Variants in PTGER4 observed in about 807,000 individuals in gnomAD.
PTGER4 encodes the protein prostaglandin E2 receptor EP4 subtype.
A neutral mutation model predicts 33.2 loss-of-function variants in PTGER4; 11 were observed. The ratio of observed to expected loss-of-function variants is 0.33; its 90% CI spans 0.21 to 0.55. PTGER4 has a LOEUF of 0.55. Among genes scored for constraint, PTGER4 ranks in the 20% least tolerant of loss-of-function variants. The pLI, the probability that PTGER4 is intolerant of heterozygous loss-of-function variation, is 0.92. For synonymous variants in PTGER4, 275 were observed against 281.5 expected, an observed-to-expected ratio of 0.98 and a Z score of 0.23; for missense variants, 481 against 650.2, an observed-to-expected ratio of 0.74 and a Z score of 2.83.
At chr5:40,728,309 T>C in the PTGER4 span, 1 of 780,192 alleles carries the variant, frequency 1.3e-6, no homozygotes, top group Non-Finnish European at 1.8e-6. Flanking sequence ...AAAATATACT[T>C]AAAATTTCTG....
At chr5:40,716,274 C>A in the PTGER4 span, 1 of 1,614,204 alleles carries the variant, frequency 6.2e-7, no homozygotes, top group South Asian at 1.1e-5. Context: ...TCTTCTCTTT[C>A]TCAGCAATAG....
chr5:40,690,491 A>G (rs1180319317), intron 2 of PTGER4, among the ~76,000 whole-genome samples: 1 of 152,234 alleles, frequency 6.6e-6, no homozygotes, highest in African/African-American at 2.4e-5. Flanking sequence ...GACTTTGCAC[A>G]TGGAGCTACC....
At chr5:40,688,702 G>A (rs907262739) in intron 2 of PTGER4, among the ~76,000 whole-genome samples, 1 of 152,206 alleles carries the variant, frequency 6.6e-6, no homozygotes, top group African/African-American at 2.4e-5. Flanking sequence ...AGGCATAGCT[G>A]AAGACCTCAA....
At chr5:40,728,439 T>C in the PTGER4 span, 1 of 1,613,550 alleles carries the variant, frequency 6.2e-7, no homozygotes, top group Non-Finnish European at 8.5e-7. Flanking sequence ...TTCTGCTGCA[T>C]GTACTGCTGG....
chr5:40,739,475 T>C, the PTGER4 span, among the ~76,000 whole-genome samples: 17 of 152,258 alleles, frequency 1.1e-4, no homozygotes, highest in Non-Finnish European at 1.8e-4. Flanking sequence ...TGGGAGGTGA[T>C]TGGATCATGG....
chr5:40,743,623 A>C, the PTGER4 span, among the ~76,000 whole-genome samples: 162 of 151,684 alleles, frequency 1.1e-3, 1 homozygote, highest in East Asian at 0.026. Flanking sequence ...GAATACAAAA[A>C]TTAGCTGGGC....
chr5:40,743,096 T>G, the PTGER4 span, among the ~76,000 whole-genome samples: 1 of 152,098 alleles, frequency 6.6e-6, no homozygotes, highest in African/African-American at 2.4e-5. Flanking sequence ...ACTAAATAAG[T>G]GTATACAGTA....
At chr5:40,708,279 C>T in the PTGER4 span, among the ~76,000 whole-genome samples, 52,031 of 151,756 alleles carry the variant, frequency 0.34, 10,004 homozygotes, top group Admixed American at 0.45. Context: ...ATGGATAGAC[C>T]GCTAGCAAGA....
At chr5:40,707,508 C>T in the PTGER4 span, among the ~76,000 whole-genome samples, 1 of 152,160 alleles carries the variant, frequency 6.6e-6, no homozygotes, top group Non-Finnish European at 1.5e-5. Flanking sequence ...GCACCCAATA[C>T]AGGAGCACCC....
At chr5:40,737,106 G>A in the PTGER4 span, among the ~76,000 whole-genome samples, 4 of 151,982 alleles carry the variant, frequency 2.6e-5, no homozygotes, top group Admixed American at 2.6e-4. Context: ...GATCAGCCTG[G>A]GCAACATGGC....
chr5:40,691,857 C>A lies in PTGER4; in HGVS notation c.946C>A (p.Arg316=), dbSNP rs1741481802. The A allele has an allele frequency of 6.2e-7, 1 of 1,614,188 alleles. No homozygotes were observed. ...VSKNPDLQAI[R]IASVNPILDP... is the part of the protein sequence containing the mutation. ...TAAAAATCCAGATTTGCAGGCCATC[C>A]GAATTGCTTCTGTGAACCCCATCCT... The change falls in exon 3 of 3, where the codon CGA becomes AGA. Residue 316 remains arginine (R), a synonymous_variant. Transcript: ENST00000302472. The surrounding 1 kb of genome is among the most constrained non-coding windows in gnomAD (Gnocchi z 4.2).
At chr5:40,721,821 C>T in the PTGER4 span, among the ~76,000 whole-genome samples, 753 of 152,208 alleles carry the variant, frequency 4.9e-3, 5 homozygotes, top group African/African-American at 0.017. Context: ...AATTAAAAGG[C>T]TTCTGCACAA....
chr5:40,697,220 A>AG, downstream of PTGER4, among the ~76,000 whole-genome samples: 5 of 119,126 alleles, frequency 4.2e-5, no homozygotes, highest in East Asian at 9.7e-4. Flanking sequence ...AAGAAAAAGA[A>AG]AGAAGAAAAG....
the PTGER4 span, among the ~76,000 whole-genome samples, chr5:40,721,349 C>T: frequency 0.01 from 1,586 of 152,208 alleles, 22 homozygotes; most frequent in African/African-American, 0.033. Flanking sequence ...TCATGAATTT[C>T]AAAATATATT....
rs45611535 is a variant in PTGER4 at position 40,687,287 on chromosome 5, C to T, written c.868-4492C>T. ...CTCAAACTCCTGACCTCAGGTGATC[C>T]GCCTGCCTCAGCCTCCCAAAGTGCT... On this transcript the variant is annotated intron_variant, in intron 2 of 2. Coordinates refer to ENST00000302472, the MANE Select transcript of PTGER4 (RefSeq NM_000958.3). 4.2e-3 allele frequency among the ~76,000 whole-genome samples: 642 copies of T among 152,236 alleles called. 3 individuals are homozygous for T. Among genetic ancestry groups the T allele is most frequent in the African/African-American group, 0.015 (614 of 41,530 alleles).
At position 40,681,044 on chromosome 5, in the gene PTGER4, G is replaced by T; in HGVS notation, c.51G>T (p.Leu17=). ...CCGCCTCCTTGAGCCCCGACCGGCT[G>T]AACAGCCCAGTGACCATCCCGGCGG... ...NSSASLSPDR[L]NSPVTIPAVM... Residue 17 remains leucine (L), a synonymous_variant, in exon 2 of 3, where the codon CTG becomes CTT. Transcript: ENST00000302472. This position sits in a 1 kb window ranked among gnomAD's most constrained non-coding sequence, Gnocchi z 9.8. 6.2e-7 allele frequency: 1 copy of T among 1,614,006 alleles called. No homozygotes were observed. Among genetic ancestry groups the T allele is most frequent in the East Asian group, 2.2e-5 (1 of 44,876 alleles).
chr5:40,704,022 C>T, the PTGER4 span, among the ~76,000 whole-genome samples: 1 of 144,188 alleles, frequency 6.9e-6, no homozygotes, highest in Non-Finnish European at 1.5e-5. Context: ...CTGGCAGAGA[C>T]ACAACAAAAA....
Position 40,692,495 on chromosome 5 carries a change from A to G in PTGER4, c.*117A>G. 1 of 1,484,246 alleles carries G rather than the reference A, an allele frequency of 6.7e-7. No individual in the cohort carries two copies. 91.9% of individuals were successfully genotyped at this position (1,484,246 alleles called of 1,614,324 possible). On this transcript the variant is annotated 3_prime_UTR_variant, in exon 3 of 3. Coordinates refer to ENST00000302472, the MANE Select transcript of PTGER4 (RefSeq NM_000958.3). The stretch of plus-strand genomic sequence containing the variant: ...GGGCTATCATCATCCTACAACTCAC[A>G]TTAGAGAACATCCTGGCTTTTGAGC...
At chr5:40,729,286 G>A in the PTGER4 span, among the ~76,000 whole-genome samples, 2 of 152,286 alleles carry the variant, frequency 1.3e-5, no homozygotes, top group South Asian at 2.1e-4. Flanking sequence ...GGTGACAAAT[G>A]TGTGTCCTAT....
Sources: gnomAD v4.1 joint callset for allele counts (sites outside exome capture counted in the v4.1 genomes callset) on GRCh38, gnomAD v4.1.1 for gene constraint, Gnocchi (gnomAD v3.1) non-coding constraint, MANE v1.5 for transcripts, NCBI Gene and HGNC (gene_info 2026-07-23, HGNC 2026-07-21) for gene names.